CRPPA: variants seen among roughly 807,000 people sequenced by gnomAD.
CRPPA encodes the protein CDP-L-ribitol pyrophosphorylase A, also known as D-ribitol-5-phosphate cytidylyltransferase.
A neutral mutation model predicts 52.0 loss-of-function variants in CRPPA; 43 were observed. The ratio of observed to expected loss-of-function variants is 0.83; its 90% CI spans 0.65 to 1.07. CRPPA has a LOEUF of 1.07. Among genes scored for constraint, CRPPA ranks in the 50% least tolerant of loss-of-function variants. CRPPA has a pLI of 0.00. For missense variants in CRPPA, 629 were observed against 551.7 expected, an observed-to-expected ratio of 1.14 and a Z score of -1.40; for synonymous variants, 250 against 203.5, an observed-to-expected ratio of 1.23 and a Z score of -1.94.
At chr7:16,290,745 T>C (rs888001170) in intron 5 of CRPPA, among the ~76,000 whole-genome samples, 13 of 152,046 alleles carry the variant, frequency 8.6e-5, no homozygotes, top group Admixed American at 7.9e-4. Flanking sequence ...AAGCATTTTA[T>C]GGCTAAGACT....
chr7:16,295,317 A>C (rs1784648625), intron 5 of CRPPA, among the ~76,000 whole-genome samples: 1 of 152,092 alleles, frequency 6.6e-6, no homozygotes, highest in South Asian at 2.1e-4. Flanking sequence ...TCCTTAAAAT[A>C]CCTAACAAAT....
intron 8 of CRPPA, among the ~76,000 whole-genome samples, chr7:16,218,144 C>T (rs1324456979): frequency 6.6e-5 from 10 of 151,942 alleles, no homozygotes; most frequent in African/African-American, 2.4e-4. Flanking sequence ...ATTCAACATT[C>T]TTAAAGAAAA....
At chr7:16,279,719 C>T (rs1265029009) in intron 5 of CRPPA, among the ~76,000 whole-genome samples, 1 of 152,076 alleles carries the variant, frequency 6.6e-6, no homozygotes, top group East Asian at 1.9e-4. Flanking sequence ...GAGAAAGGAG[C>T]TTTGCAAACA....
chr7:16,340,360 A>G (rs1206805459), intron 3 of CRPPA, among the ~76,000 whole-genome samples: 1 of 152,094 alleles, frequency 6.6e-6, no homozygotes, highest in African/African-American at 2.4e-5. Flanking sequence ...TAAAAGACTT[A>G]TCACAAACAT....
chr7:16,127,604 T>G (rs769182916), intron 9 of CRPPA, among the ~76,000 whole-genome samples: 5 of 151,928 alleles, frequency 3.3e-5, no homozygotes, highest in African/African-American at 9.7e-5. Flanking sequence ...AAATAACTAG[T>G]TATAAAATAT....
At chr7:16,351,874 A>C (rs1404696426) in intron 3 of CRPPA, among the ~76,000 whole-genome samples, 2 of 152,172 alleles carry the variant, frequency 1.3e-5, no homozygotes, top group Non-Finnish European at 2.9e-5. Flanking sequence ...AAGAATCTAG[A>C]ACCAGAAATA....
At chr7:16,250,922 C>T (rs1465179170) in intron 8 of CRPPA, among the ~76,000 whole-genome samples, 1 of 152,054 alleles carries the variant, frequency 6.6e-6, no homozygotes, top group African/African-American at 2.4e-5. Context: ...TTAAAAGACA[C>T]AGACTGGCAA....
At chr7:16,180,207 A>T (rs1781382225) in intron 9 of CRPPA, among the ~76,000 whole-genome samples, 1 of 152,076 alleles carries the variant, frequency 6.6e-6, no homozygotes, top group Non-Finnish European at 1.5e-5. Context: ...TCCTACTCTG[A>T]GAGATTCTGA....
At chr7:16,299,947 G>A (rs1019581683) in intron 5 of CRPPA, among the ~76,000 whole-genome samples, 10 of 152,058 alleles carry the variant, frequency 6.6e-5, no homozygotes, top group African/African-American at 2.2e-4. Flanking sequence ...ATTTTCCTAC[G>A]TAGTACATAC....
chr7:16,273,825 G>T (rs185736387), intron 6 of CRPPA, among the ~76,000 whole-genome samples: 42 of 152,228 alleles, frequency 2.8e-4, no homozygotes, highest in Non-Finnish European at 5.6e-4. Context: ...TGTAGCCATG[G>T]AGCTGCATGA....
intron 2 of CRPPA, among the ~76,000 whole-genome samples, chr7:16,380,046 G>A (rs1787033873): frequency 6.6e-6 from 1 of 151,152 alleles, no homozygotes. Flanking sequence ...AGTGGTGAGA[G>A]AGGGCATCCC....
intron 8 of CRPPA, among the ~76,000 whole-genome samples, chr7:16,257,531 C>T (rs1783675616): frequency 1.3e-5 from 2 of 152,094 alleles, no homozygotes; most frequent in African/African-American, 2.4e-5. Context: ...TTAAATCTCC[C>T]ATAGTTGCTA....
chr7:16,287,783 G>A (rs3919476), intron 5 of CRPPA, among the ~76,000 whole-genome samples: 15,081 of 152,030 alleles, frequency 0.099, 890 homozygotes, highest in East Asian at 0.25. Flanking sequence ...TTAGCTGAGC[G>A]TGGTGGTGTG....
At chr7:16,272,583 C>T (rs1047673666) in intron 6 of CRPPA, among the ~76,000 whole-genome samples, 4 of 152,020 alleles carry the variant, frequency 2.6e-5, no homozygotes, top group Admixed American at 6.6e-5. Context: ...TGTTAGAATA[C>T]GTTGCATTTT....
intron 9 of CRPPA, among the ~76,000 whole-genome samples, chr7:16,175,892 A>G (rs1165070347): frequency 6.6e-6 from 1 of 152,152 alleles, no homozygotes; most frequent in Non-Finnish European, 1.5e-5. Context: ...AACTGTATAA[A>G]TGTCTCTCCT....
At chr7:16,305,691 C>A (rs1022376960) in intron 4 of CRPPA, among the ~76,000 whole-genome samples, 3 of 152,112 alleles carry the variant, frequency 2.0e-5, no homozygotes, top group Non-Finnish European at 4.4e-5. Context: ...CATGGTGAAA[C>A]CCCGTCTCTA....
chr7:16,131,739 C>T (rs188237385), intron 9 of CRPPA, among the ~76,000 whole-genome samples: 5 of 152,254 alleles, frequency 3.3e-5, no homozygotes, highest in Admixed American at 2.6e-4. Context: ...CACTACCATG[C>T]CCAGCTAATT....
intron 9 of CRPPA, among the ~76,000 whole-genome samples, chr7:16,179,420 G>T (rs1487135051): frequency 6.6e-6 from 1 of 151,898 alleles, no homozygotes. Flanking sequence ...AAATGAGAAG[G>T]TTATCCTGGA....
chr7:16,221,470 C>T (rs911577849), intron 8 of CRPPA, among the ~76,000 whole-genome samples: 4 of 152,268 alleles, frequency 2.6e-5, no homozygotes, highest in East Asian at 1.9e-4. Flanking sequence ...TAAAGAGCTT[C>T]TGCACAGCAA....
Sources: allele counts gnomAD v4.1 joint callset (sites outside exome capture counted in the v4.1 genomes callset), GRCh38; gene constraint gnomAD v4.1.1; transcripts MANE v1.5; gene names NCBI Gene and HGNC (gene_info 2026-07-23, HGNC 2026-07-21).